BTRC: variants seen among roughly 807,000 people sequenced by gnomAD.
BTRC encodes F-box/WD repeat-containing protein 1A.
In BTRC, 42 loss-of-function variants were observed where a neutral mutation model predicts 85.5. That is an observed-to-expected ratio of 0.49 (90% CI 0.38 to 0.64). BTRC has a LOEUF of 0.64. Among genes scored for constraint, BTRC ranks in the 30% least tolerant of loss-of-function variants. BTRC has a pLI of 0.00. For synonymous variants in BTRC, 255 were observed against 263.3 expected (o/e 0.97, Z 0.30); for missense variants, 594 against 743.5 (o/e 0.80, Z 2.34).
intron 3 of BTRC, among the ~76,000 whole-genome samples, chr10:101,470,371 C>T (rs1292572082): frequency 3.0e-5 from 4 of 134,646 alleles, no homozygotes; most frequent in Admixed American, 8.6e-5. Context: ...CTCGCTGTGT[C>T]GCCCAGGCTG....
intron 10 of BTRC, 107 bp from the exon 11 acceptor site, chr10:101,535,247 C>T: frequency 1.2e-6 from 1 of 854,292 alleles, no homozygotes. Context: ...GAGAAGACTT[C>T]CCTCTAATGG....
rs527241104 is a variant in BTRC at position 101,530,795 on chromosome 10, C to A, written c.744-442C>A. Among the ~76,000 whole-genome samples, 23 of 152,336 alleles carry A rather than the reference C, an allele frequency of 1.5e-4. No individual in the cohort carries two copies. The South Asian group carries it at 2.7e-3, about 18-fold the overall frequency. ...CATGGGACTCCTGAAATCAGGCTTACCTTTGCTCCTCCGCAGACAGCTATG... is the reference window on the plus strand; with the variant it reads ...CATGGGACTCCTGAAATCAGGCTTAACTTTGCTCCTCCGCAGACAGCTATG... On this transcript the variant is annotated intron_variant, in intron 6 of 14. Coordinates refer to ENST00000370187, the MANE Select transcript of BTRC (RefSeq NM_033637.4).
chr10:101,402,324 T>G (rs1370479559), intron 1 of BTRC, among the ~76,000 whole-genome samples: 1 of 152,208 alleles, frequency 6.6e-6, no homozygotes, highest in Admixed American at 6.5e-5. Flanking sequence ...GAAATTCAAG[T>G]AAGAATAATT....
chr10:101,473,717 C>T (rs1231415054), intron 3 of BTRC, among the ~76,000 whole-genome samples: 1 of 151,612 alleles, frequency 6.6e-6, no homozygotes, highest in East Asian at 1.9e-4. Flanking sequence ...GTGATCTGCC[C>T]GCCTCGGCCT....
intron 1 of BTRC, chr10:101,364,789 G>A (rs1054990095): frequency 6.6e-6 from 1 of 151,198 alleles, no homozygotes; most frequent in Admixed American, 6.6e-5. Context: ...ACACAGAAAA[G>A]CATTATTTAG....
chr10:101,424,980 G>A (rs902392870), intron 1 of BTRC, among the ~76,000 whole-genome samples: 3 of 152,200 alleles, frequency 2.0e-5, no homozygotes, highest in East Asian at 1.9e-4. Context: ...GTATTCCTCA[G>A]TGTCTGTTCC....
At chr10:101,470,012 A>G (rs1365319297) in intron 3 of BTRC, among the ~76,000 whole-genome samples, 3 of 152,208 alleles carry the variant, frequency 2.0e-5, no homozygotes, top group Non-Finnish European at 2.9e-5. Flanking sequence ...CCATCATTAT[A>G]AGTGAAGTTA....
chr10:101,447,902 C>T (rs1412265538), intron 2 of BTRC, among the ~76,000 whole-genome samples: 1 of 151,922 alleles, frequency 6.6e-6, no homozygotes, highest in African/African-American at 2.4e-5. Context: ...CTTTAATCAA[C>T]CAAGTATTAT....
chr10:101,371,907 A>G (rs754500291), intron 1 of BTRC, among the ~76,000 whole-genome samples: 2 of 152,124 alleles, frequency 1.3e-5, no homozygotes, highest in Admixed American at 1.3e-4. Context: ...CACCTCACAC[A>G]TGAGGCTGAA....
chr10:101,508,913 T>TAAAAAGAAAAAAA (rs1946612667), intron 4 of BTRC, among the ~76,000 whole-genome samples: 1 of 101,952 alleles, frequency 9.8e-6, no homozygotes, highest in Admixed American at 1.1e-4. Flanking sequence ...GACTCCATCT[T>TAAAAAGAAAAAAA]AAAAAAAAAA....
intron 2 of BTRC, among the ~76,000 whole-genome samples, chr10:101,432,123 T>G (rs901658271): frequency 2.8e-5 from 4 of 144,806 alleles, no homozygotes; most frequent in Non-Finnish European, 6.2e-5. Context: ...AAGTGAAATA[T>G]CTTTTTTTTC....
chr10:101,358,670 C>T (rs1283395678), intron 1 of BTRC, among the ~76,000 whole-genome samples: 1 of 152,158 alleles, frequency 6.6e-6, no homozygotes, highest in Non-Finnish European at 1.5e-5. Context: ...AAGACCTTCA[C>T]TTCTCCTCTA....
intron 1 of BTRC, among the ~76,000 whole-genome samples, chr10:101,398,040 G>A (rs1000464905): frequency 6.6e-6 from 1 of 152,136 alleles, no homozygotes; most frequent in East Asian, 1.9e-4. Context: ...GATGAAAACC[G>A]TGGTCTTTGT....
At chr10:101,380,755 G>A (rs924550809) in intron 1 of BTRC, among the ~76,000 whole-genome samples, 3 of 152,170 alleles carry the variant, frequency 2.0e-5, no homozygotes, top group African/African-American at 7.2e-5. Context: ...CTGGTTTCAA[G>A]TCCTGTCTTA....
intron 1 of BTRC, among the ~76,000 whole-genome samples, chr10:101,365,522 C>A (rs977787604): frequency 1.3e-5 from 2 of 151,924 alleles, no homozygotes; most frequent in South Asian, 4.1e-4. Context: ...GTTGCACAGG[C>A]TGGAGTGCAG....
intron 5 of BTRC, among the ~76,000 whole-genome samples, chr10:101,524,904 A>G (rs2062168052): frequency 6.6e-6 from 1 of 152,186 alleles, no homozygotes; most frequent in South Asian, 2.1e-4. Flanking sequence ...AGTGTGACTG[A>G]TATCCATACA....
chr10:101,501,399 C>T (rs9420838), intron 4 of BTRC, among the ~76,000 whole-genome samples: 56,277 of 152,064 alleles, frequency 0.37, 11,593 homozygotes, highest in Middle Eastern at 0.49. Flanking sequence ...CCCATGCCAG[C>T]AGATACTTCC....
intron 1 of BTRC, among the ~76,000 whole-genome samples, chr10:101,375,447 T>G (rs1942765463): frequency 6.6e-6 from 1 of 152,186 alleles, no homozygotes; most frequent in African/African-American, 2.4e-5. Context: ...ATGAAACCTC[T>G]TTTCTTATAA....
chr10:101,472,243 C>T (rs1030413564), intron 3 of BTRC, among the ~76,000 whole-genome samples: 18 of 131,608 alleles, frequency 1.4e-4, no homozygotes, highest in African/African-American at 4.6e-4. Context: ...TCCTTCCTTC[C>T]CCTTCCTTCC....
Sources: gnomAD v4.1 joint callset for allele counts (sites outside exome capture counted in the v4.1 genomes callset) on GRCh38, gnomAD v4.1.1 for gene constraint, MANE v1.5 for transcripts, NCBI Gene and HGNC (gene_info 2026-07-23, HGNC 2026-07-21) for gene names.